Variants in INO80C observed in about 807,000 individuals in gnomAD.
INO80C encodes INO80 complex subunit C.
INO80C carries 17 observed loss-of-function variants against 17.7 expected under a neutral mutation model. The ratio of observed to expected loss-of-function variants is 0.96; its 90% CI spans 0.66 to 1.44. The LOEUF (loss-of-function observed/expected upper bound fraction) is 1.44. Ranked by LOEUF, INO80C falls within the 40% of genes most tolerant of loss-of-function variation. The pLI is 0.00. For missense variants in INO80C, 244 were observed against 245.0 expected, an observed-to-expected ratio of 1.00 and a Z score of 0.03; for synonymous variants, 96 against 95.8, an observed-to-expected ratio of 1.00 and a Z score of -0.01.
intron 4 of INO80C, among the ~76,000 whole-genome samples, chr18:35,476,457 C>G (rs1164683866): frequency 2.6e-5 from 4 of 152,084 alleles, no homozygotes; most frequent in African/African-American, 9.7e-5. Flanking sequence ...ACAGCAGAAA[C>G]TGAGTTTGGG....
In INO80C at chr18:35,478,355, A is replaced by G. The variant is rs11081906; in HGVS notation, c.380-6T>C. Reference sequence around the variant, plus strand: ...AGGAGCATCAATACTGAAGTCTGGGAAAAAAAAAAAAAAAAGATAACTAAA... The same window carrying G: ...AGGAGCATCAATACTGAAGTCTGGGGAAAAAAAAAAAAAAAGATAACTAAA... On this transcript the variant is annotated splice_region_variant and splice_polypyrimidine_tract_variant and intron_variant, in intron 3 of 4. Transcript: ENST00000334598. The G allele has an allele frequency of 0.051, 21,941 of 430,740 alleles. 681 individuals carry two copies. The highest frequency in any genetic ancestry group is 0.45 in the East Asian group (11,605 of 25,874). The allele number at this position is 430,740 out of a possible 1,614,324, so 26.7% of individuals were successfully genotyped here.
rs2045635684 is a variant in INO80C, at chr18:35,468,824, A to G, written c.448-82T>C. 3.9e-6 allele frequency: 5 copies of G among 1,286,544 alleles called. 1 individual carries two copies. Among genetic ancestry groups the G allele is most frequent in the East Asian group, 4.7e-5 (2 of 42,680 alleles). 79.7% of individuals were successfully genotyped at this position (1,286,544 alleles called of 1,614,324 possible). On this transcript the variant is annotated intron_variant, in intron 4 of 4. Transcript: ENST00000334598. ...AAGTTCAAGTTTAAAAATTTTTTCT[A>G]TTTCACTGAAAGTGATATATATTTT... is the stretch of plus-strand genomic sequence containing the variant.
intron 1 of INO80C, among the ~76,000 whole-genome samples, chr18:35,486,440 G>A (rs1240203305): frequency 6.6e-6 from 1 of 152,184 alleles, no homozygotes; most frequent in African/African-American, 2.4e-5. Flanking sequence ...AGGATATTGT[G>A]AGGGTTGCAC....
intron 4 of INO80C, among the ~76,000 whole-genome samples, chr18:35,469,757 C>T (rs2045647205): frequency 1.3e-5 from 2 of 152,180 alleles, no homozygotes; most frequent in Middle Eastern, 3.2e-3. Context: ...GAGACAGGAA[C>T]CACAGTTTGC....
In INO80C at chr18:35,480,472, AAT is replaced by A; in HGVS notation, c.246_247del (p.Phe83Ter). ...GCTTACCACAAAGTTGGGATCCTTA[AAT>A]GGCAAAGGTTTGGCAGCTTTTTCCA... On this transcript the variant is annotated frameshift_variant, in exon 2 of 5. Transcript: ENST00000334598. LOFTEE classifies it high-confidence loss of function. 1 of 1,613,460 alleles carries A rather than the reference AAT, an allele frequency of 6.2e-7. No homozygotes were observed. Among genetic ancestry groups the A allele is most frequent in the Non-Finnish European group, 8.5e-7 (1 of 1,179,350 alleles).
intron 4 of INO80C, among the ~76,000 whole-genome samples, chr18:35,474,315 G>A (rs1014620894): frequency 6.8e-6 from 1 of 146,678 alleles, no homozygotes; most frequent in South Asian, 2.2e-4. Flanking sequence ...TGTAGGTTTT[G>A]AAACTACCAG....
intron 1 of INO80C, among the ~76,000 whole-genome samples, chr18:35,490,328 C>T (rs1414884342): frequency 3.3e-5 from 5 of 152,136 alleles, no homozygotes; most frequent in African/African-American, 4.8e-5. Context: ...ACTGGGCCTA[C>T]GAGTGGCCTA....
intron 1 of INO80C, among the ~76,000 whole-genome samples, chr18:35,493,296 C>G (rs760942461): frequency 5.9e-5 from 9 of 152,068 alleles, no homozygotes; most frequent in Non-Finnish European, 1.2e-4. Flanking sequence ...TATCTGTTCC[C>G]CAACCCACCA....
At chr18:35,490,634 T>C (rs2045924511) in intron 1 of INO80C, among the ~76,000 whole-genome samples, 1 of 152,188 alleles carries the variant, frequency 6.6e-6, no homozygotes, top group Non-Finnish European at 1.5e-5. Flanking sequence ...TCCCCAAAGC[T>C]TCCAACAGCG....
In INO80C at chr18:35,479,313, C is replaced by G. The variant is rs758913890; in HGVS notation, c.366G>C (p.Leu122=). 12 of 1,611,404 alleles carry G rather than the reference C, an allele frequency of 7.4e-6. No homozygotes were observed. In the East Asian group the frequency reaches 2.7e-4, roughly 36 times the overall value. Reference sequence around the variant, plus strand: ...TAGACAGCTCACAGTTAGGATCGTTCAGTTGCCACGGCAATGCCCTTTCAG... The same window carrying G: ...TAGACAGCTCACAGTTAGGATCGTTGAGTTGCCACGGCAATGCCCTTTCAG... The part of the protein sequence containing the change: ...LASERALPWQ[L]NDPNYFSIDA... Residue 122 remains leucine (L), a synonymous_variant, in exon 3 of 5, where the codon CTG becomes CTC. Transcript: ENST00000334598.
chr18:35,481,105 C>A (rs868132914), intron 1 of INO80C, among the ~76,000 whole-genome samples: 2 of 152,126 alleles, frequency 1.3e-5, no homozygotes, highest in African/African-American at 4.8e-5. Flanking sequence ...GCCAGAGAAC[C>A]CAGACTGGAG....
chr18:35,468,747 G>A lies in INO80C; in HGVS notation c.448-5C>T, dbSNP rs199984586. The A allele has an allele frequency of 6.2e-7, 1 of 1,613,708 alleles. No homozygotes were observed. Among genetic ancestry groups the A allele is most frequent in the African/African-American group, 1.3e-5 (1 of 75,032 alleles). Reference sequence around the variant, plus strand: ...CTGGGGGTCTGTGTAGTTGGCCTGGGTGAAAAGAGGCACAGGGAAGGGCAG... The same window carrying A: ...CTGGGGGTCTGTGTAGTTGGCCTGGATGAAAAGAGGCACAGGGAAGGGCAG... On this transcript the variant is annotated splice_region_variant and splice_polypyrimidine_tract_variant and intron_variant, in intron 4 of 4. Transcript: ENST00000334598.
At chr18:35,473,157 T>C (rs2045690894) in intron 4 of INO80C, among the ~76,000 whole-genome samples, 1 of 152,210 alleles carries the variant, frequency 6.6e-6, no homozygotes, top group African/African-American at 2.4e-5. Flanking sequence ...GGCCATAAAC[T>C]GTGGCCTCCA....
chr18:35,479,699 C>T (rs2045782487), intron 2 of INO80C, among the ~76,000 whole-genome samples: 1 of 151,932 alleles, frequency 6.6e-6, no homozygotes, highest in Non-Finnish European at 1.5e-5. Context: ...TTTATTGGGT[C>T]TAACTTTGTA....
chr18:35,482,462 G>A (rs2045822293), intron 1 of INO80C, among the ~76,000 whole-genome samples: 1 of 152,148 alleles, frequency 6.6e-6, no homozygotes, highest in Non-Finnish European at 1.5e-5. Flanking sequence ...TCACATTGCT[G>A]CAATAGTTCT....
chr18:35,486,021 C>A (rs562379497), intron 1 of INO80C, among the ~76,000 whole-genome samples: 1 of 152,158 alleles, frequency 6.6e-6, no homozygotes, highest in Non-Finnish European at 1.5e-5. Context: ...CCCAGCTACT[C>A]CAGAGGCTGA....
intron 4 of INO80C, among the ~76,000 whole-genome samples, chr18:35,469,324 G>A (rs1006577072): frequency 2.6e-5 from 4 of 152,144 alleles, no homozygotes; most frequent in Non-Finnish European, 5.9e-5. Flanking sequence ...GTCATTCCTC[G>A]GCATAAAATC....
At chr18:35,485,857 A>G (rs947275324) in intron 1 of INO80C, among the ~76,000 whole-genome samples, 1 of 152,228 alleles carries the variant, frequency 6.6e-6, no homozygotes, top group African/African-American at 2.4e-5. Context: ...AAGCACAGGA[A>G]CTCATGCCTG....
Position 35,473,318 on chromosome 18 carries a change from A to AC in INO80C, c.448-4577dup, listed in dbSNP as rs142544852. Among the ~76,000 whole-genome samples the AC allele has an allele frequency of 7.8e-3, 1,183 of 152,322 alleles. 21 individuals are homozygous for AC. Among genetic ancestry groups the AC allele is most frequent in the African/African-American group, 0.027 (1,135 of 41,572 alleles). On this transcript the variant is annotated intron_variant, in intron 4 of 4. Coordinates refer to ENST00000334598, the MANE Select transcript of INO80C (RefSeq NM_194281.4). ...GGCAACAGACAAGAGGTAGCACAAG[A>AC]CTGCAATGCCTGAGAAAAGAGAAGC...
Sources: gnomAD v4.1 joint callset for allele counts (sites outside exome capture counted in the v4.1 genomes callset) on GRCh38, gnomAD v4.1.1 for gene constraint, MANE v1.5 for transcripts, NCBI Gene and HGNC (gene_info 2026-07-23, HGNC 2026-07-21) for gene names.